RBFOX1: variants seen among roughly 807,000 people sequenced by gnomAD.
RBFOX1 encodes RNA binding protein fox-1 homolog 1.
Under a neutral mutation model 57.7 loss-of-function variants are expected in RBFOX1, and 8 were observed. That is an observed-to-expected ratio of 0.14 (90% confidence interval 0.08 to 0.25). The LOEUF (loss-of-function observed/expected upper bound fraction) is 0.25, where lower values mean the gene tolerates loss of function less well. Ranked by LOEUF, RBFOX1 falls within the 10% of genes least tolerant of loss-of-function variation. The probability of loss-of-function intolerance (pLI) is 1.00; values close to 1 mark genes in which losing one functional copy is unlikely to be tolerated. For missense variants in RBFOX1, 611 were observed against 548.5 expected, an observed-to-expected ratio of 1.11 and a Z score of -1.14; for synonymous variants, 326 against 222.4, an observed-to-expected ratio of 1.47 and a Z score of -4.15.
chr16:7,200,822 C>T (rs1035629160), intron 4 of RBFOX1, among the ~76,000 whole-genome samples: 1 of 152,114 alleles, frequency 6.6e-6, no homozygotes, highest in Admixed American at 6.5e-5. Flanking sequence ...ACACCATAGG[C>T]CCTTTCATGC....
intron 3 of RBFOX1, among the ~76,000 whole-genome samples, chr16:7,034,170 G>C (rs747681238): frequency 5.9e-5 from 9 of 152,108 alleles, no homozygotes; most frequent in African/African-American, 1.9e-4. Context: ...GATTCAAATA[G>C]CCTGGGTTTG....
intron 1 of RBFOX1, among the ~76,000 whole-genome samples, chr16:5,314,152 C>G (rs1596488555): frequency 1.3e-5 from 2 of 152,214 alleles, no homozygotes; most frequent in African/African-American, 2.4e-5. Context: ...TCCCCACTTG[C>G]ATACAAGGAA....
intron 4 of RBFOX1, among the ~76,000 whole-genome samples, chr16:7,248,365 G>A (rs914556540): frequency 6.6e-6 from 1 of 152,150 alleles, no homozygotes; most frequent in Non-Finnish European, 1.5e-5. Flanking sequence ...TCTTCTAGTA[G>A]GATGCCCTAT....
intron 2 of RBFOX1, among the ~76,000 whole-genome samples, chr16:6,589,217 C>G (rs1019831853): frequency 1.3e-5 from 2 of 152,214 alleles, no homozygotes; most frequent in African/African-American, 4.8e-5. Flanking sequence ...AATAACAGAA[C>G]TCTAACCAGC....
intron 2 of RBFOX1, among the ~76,000 whole-genome samples, chr16:6,381,725 G>A (rs2091836273): frequency 6.6e-6 from 1 of 152,186 alleles, no homozygotes; most frequent in African/African-American, 2.4e-5. Flanking sequence ...GCCAGGCATT[G>A]GGCCGATGTA....
At chr16:5,379,004 C>T (rs906462324) in intron 1 of RBFOX1, among the ~76,000 whole-genome samples, 28 of 151,580 alleles carry the variant, frequency 1.8e-4, no homozygotes, top group Admixed American at 1.1e-3. Flanking sequence ...GCTCAGGACC[C>T]CTCACAGTTT....
At chr16:7,285,860 G>T (rs189452358) in intron 4 of RBFOX1, among the ~76,000 whole-genome samples, 1 of 152,158 alleles carries the variant, frequency 6.6e-6, no homozygotes, top group African/African-American at 2.4e-5. Context: ...GCAGGGTTTT[G>T]TGTGAACACA....
intron 3 of RBFOX1, among the ~76,000 whole-genome samples, chr16:5,836,230 T>G (rs921305727): frequency 6.6e-6 from 1 of 152,054 alleles, no homozygotes; most frequent in Non-Finnish European, 1.5e-5. Flanking sequence ...GGAGCCCAAC[T>G]AGCAGGAGAG....
intron 3 of RBFOX1, chr16:5,632,658 T>C (rs2048552862): frequency 6.6e-6 from 1 of 152,196 alleles, no homozygotes; most frequent in South Asian, 2.1e-4. Flanking sequence ...TTATTTGTCT[T>C]TTGTTTTGGA....
chr16:7,623,663 G>T (rs1033295449), intron 10 of RBFOX1, among the ~76,000 whole-genome samples: 7 of 152,172 alleles, frequency 4.6e-5, no homozygotes, highest in African/African-American at 1.7e-4. Context: ...GGCCCAGTAG[G>T]GTCCGTGGCC....
At chr16:7,051,558 C>A (rs1462562210) in intron 3 of RBFOX1, among the ~76,000 whole-genome samples, 1 of 152,230 alleles carries the variant, frequency 6.6e-6, no homozygotes, top group African/African-American at 2.4e-5. Flanking sequence ...GGACTTACTA[C>A]CATCTGATTA....
chr16:6,191,383 G>T (rs1434065989), intron 1 of RBFOX1, among the ~76,000 whole-genome samples: 1 of 152,066 alleles, frequency 6.6e-6, no homozygotes, highest in Non-Finnish European at 1.5e-5. Flanking sequence ...CCTTTCACTG[G>T]CAAGTGAGGC....
At chr16:6,670,739 TGTAA>T (rs2098758885) in intron 3 of RBFOX1, among the ~76,000 whole-genome samples, 1 of 152,204 alleles carries the variant, frequency 6.6e-6, no homozygotes, top group Non-Finnish European at 1.5e-5. Flanking sequence ...GGTTCACGCC[TGTAA>T]TCCCAGCACT....
chr16:5,481,115 C>T (rs978713948), intron 2 of RBFOX1, among the ~76,000 whole-genome samples: 3 of 152,194 alleles, frequency 2.0e-5, no homozygotes, highest in Non-Finnish European at 4.4e-5. Context: ...TAGTTTGTTC[C>T]TCTTCTTTGC....
chr16:6,418,721 T>G (rs1161484736), intron 2 of RBFOX1, among the ~76,000 whole-genome samples: 1 of 151,956 alleles, frequency 6.6e-6, no homozygotes, highest in Non-Finnish European at 1.5e-5. Flanking sequence ...AGAGATGGGA[T>G]CACACTATAT....
chr16:7,629,986 CCTTA>C (rs747016181), intron 10 of RBFOX1, among the ~76,000 whole-genome samples: 6 of 152,146 alleles, frequency 3.9e-5, no homozygotes, highest in Admixed American at 2.0e-4. Context: ...TCTTTCTCCG[CCTTA>C]CTTCTGTTCT....
In RBFOX1 at chr16:5,290,631, C is replaced by T. The variant is rs142325008; in HGVS notation, c.219+50526C>T. 7.3e-5 allele frequency among the ~76,000 whole-genome samples: 11 copies of T among 151,580 alleles called. No homozygotes were observed. In the East Asian group the frequency reaches 2.1e-3, roughly 29 times the overall value. ...AGGCCTAGGGGGTGGGATGAGTTCACTAGGTGGATAAATGAGGAACGGCAT... is the reference window on the plus strand; with the variant it reads ...AGGCCTAGGGGGTGGGATGAGTTCATTAGGTGGATAAATGAGGAACGGCAT... On this transcript the variant is annotated intron_variant, in intron 1 of 2. Coordinates refer to the RBFOX1 transcript ENST00000585867.
chr16:7,313,019 C>G (rs144622167), intron 4 of RBFOX1, among the ~76,000 whole-genome samples: 10 of 152,196 alleles, frequency 6.6e-5, no homozygotes, highest in African/African-American at 1.9e-4. Flanking sequence ...TGCCCTGGAT[C>G]TGTTGTAGGA....
intron 1 of RBFOX1, among the ~76,000 whole-genome samples, chr16:5,439,494 C>T (rs1020953421): frequency 1.3e-5 from 2 of 151,650 alleles, no homozygotes; most frequent in African/African-American, 4.8e-5. Context: ...CTGGGTGGAA[C>T]TGGAGAGAAC....
Sources: allele counts gnomAD v4.1 joint callset (sites outside exome capture counted in the v4.1 genomes callset), GRCh38; gene constraint gnomAD v4.1.1; transcripts MANE v1.5; gene names NCBI Gene and HGNC (gene_info 2026-07-23, HGNC 2026-07-21).